The following LRP1B variants were observed in gnomAD, a reference collection of about 807,000 sequenced individuals.
LRP1B encodes low-density lipoprotein receptor-related protein 1B.
LRP1B carries 217 observed loss-of-function variants against 556.6 expected under a neutral mutation model. The observed-to-expected ratio is 0.39, with a 90% CI of 0.35 to 0.44. The LOEUF is 0.44. Among genes scored for constraint, LRP1B ranks in the 20% least tolerant of loss-of-function variants. LRP1B has a pLI of 1.00. For synonymous variants in LRP1B, 2,047 were observed against 1,865.8 expected (o/e 1.10, Z -2.50); for missense variants, 5,053 against 5,620.8 (o/e 0.90, Z 3.23).
At chr2:141,918,483 A>C (rs1278864151) in intron 1 of LRP1B, among the ~76,000 whole-genome samples, 4 of 152,106 alleles carry the variant, frequency 2.6e-5, no homozygotes, top group African/African-American at 9.7e-5. Context: ...GGAGGCAAAG[A>C]AACTGGAGAA....
chr2:141,046,949 G>A (rs1382148359), intron 11 of LRP1B, among the ~76,000 whole-genome samples: 1 of 151,858 alleles, frequency 6.6e-6, no homozygotes, highest in Admixed American at 6.6e-5. Flanking sequence ...AGGCATGATG[G>A]TGCACACCTG....
At chr2:141,346,273 G>GTTTT (rs768582865) in intron 3 of LRP1B, among the ~76,000 whole-genome samples, 2 of 151,844 alleles carry the variant, frequency 1.3e-5, no homozygotes, top group African/African-American at 4.8e-5. Flanking sequence ...ACAAAATACT[G>GTTTT]TTTTTTTAAA....
chr2:141,380,837 T>A (rs896431256), intron 3 of LRP1B, among the ~76,000 whole-genome samples: 1 of 152,136 alleles, frequency 6.6e-6, no homozygotes, highest in Non-Finnish European at 1.5e-5. Context: ...TGTCATACTT[T>A]AGTCTCTTGA....
chr2:141,924,273 A>G (rs548582255), intron 1 of LRP1B, among the ~76,000 whole-genome samples: 1 of 152,072 alleles, frequency 6.6e-6, no homozygotes, highest in East Asian at 2.0e-4. Context: ...TACAGCTGGG[A>G]GTGGTCAAGG....
intron 2 of LRP1B, among the ~76,000 whole-genome samples, chr2:141,764,669 T>A (rs1306014276): frequency 1.4e-5 from 2 of 147,348 alleles, no homozygotes; most frequent in East Asian, 4.0e-4. Context: ...TGTGAGACAA[T>A]ACATTTAGGA....
At chr2:140,357,703 T>A (rs886189624) in intron 74 of LRP1B, among the ~76,000 whole-genome samples, 2 of 151,696 alleles carry the variant, frequency 1.3e-5, no homozygotes, top group African/African-American at 4.8e-5. Flanking sequence ...TACTAAATGA[T>A]ATAGATTACA....
At position 141,407,605 on chromosome 2, in the gene LRP1B, C is replaced by T. The variant is rs555177038; in HGVS notation, c.343+72791G>A. Reference sequence around the variant, plus strand: ...TCTGGTGGTTTAAAAATTTGTGGCACCTTCCCCACCACTCTCTCTCACTTG... The same window carrying T: ...TCTGGTGGTTTAAAAATTTGTGGCATCTTCCCCACCACTCTCTCTCACTTG... On this transcript the variant is annotated intron_variant, in intron 3 of 90. Coordinates refer to ENST00000389484, the MANE Select transcript of LRP1B (RefSeq NM_018557.3). 2.6e-5 allele frequency among the ~76,000 whole-genome samples: 4 copies of T among 152,160 alleles called. 1 individual carries two copies. The highest frequency in any genetic ancestry group is 7.2e-5 in the African/African-American group (3 of 41,522).
intron 1 of LRP1B, among the ~76,000 whole-genome samples, chr2:141,938,534 T>C (rs937271043): frequency 2.0e-4 from 30 of 151,902 alleles, no homozygotes; most frequent in African/African-American, 7.3e-4. Context: ...GTATGGAGAG[T>C]CCTCAACAAG....
intron 2 of LRP1B, among the ~76,000 whole-genome samples, chr2:141,787,317 G>T (rs978028675): frequency 6.6e-6 from 1 of 151,744 alleles, no homozygotes; most frequent in Admixed American, 6.6e-5. Context: ...ATTCATAGTC[G>T]CACCAAACTG....
intron 41 of LRP1B, among the ~76,000 whole-genome samples, chr2:140,623,952 T>TTATATATATATATATCTATATATATATA (rs1166087353): frequency 6.5e-5 from 1 of 15,290 alleles, no homozygotes; most frequent in Non-Finnish European, 1.4e-4. Flanking sequence ...TATATTTTAT[T>TTATATATATATATATCTATATATATATA]TATGTATATA....
At chr2:141,518,529 C>A (rs921412614) in intron 2 of LRP1B, among the ~76,000 whole-genome samples, 5 of 152,106 alleles carry the variant, frequency 3.3e-5, no homozygotes, top group African/African-American at 1.2e-4. Flanking sequence ...AGAGAACTCA[C>A]ATAAAACTTA....
chr2:141,933,960 TAAGAG>T (rs1372525610), intron 1 of LRP1B, among the ~76,000 whole-genome samples: 1 of 151,838 alleles, frequency 6.6e-6, no homozygotes, highest in African/African-American at 2.4e-5. Context: ...CCCACAAAAA[TAAGAG>T]AATAAGCACT....
chr2:141,505,799 A>G (rs1003741556), intron 2 of LRP1B, among the ~76,000 whole-genome samples: 2 of 152,038 alleles, frequency 1.3e-5, no homozygotes, highest in Non-Finnish European at 2.9e-5. Context: ...TTGATTCCTA[A>G]TTAACTCTTG....
intron 18 of LRP1B, among the ~76,000 whole-genome samples, chr2:140,968,483 G>A (rs1346575336): frequency 8.2e-6 from 1 of 121,926 alleles, no homozygotes; most frequent in East Asian, 2.4e-4. Flanking sequence ...AACAACTCCT[G>A]GATTGATTGA....
rs545568474 is a variant in LRP1B at position 141,381,618 on chromosome 2, GA to G, written c.343+98777del. Among the ~76,000 whole-genome samples, 98 of 145,846 alleles carry G rather than the reference GA, an allele frequency of 6.7e-4. No individual in the cohort carries two copies. In the South Asian group the frequency reaches 6.9e-3, roughly 10 times the overall value. ...ACATCAAATTGTCACAAGTTAAAAA[GA>G]AAAAAAAAATAGAAAGCAATAAGTG... On this transcript the variant is annotated intron_variant, in intron 3 of 90. Transcript: ENST00000389484.
chr2:140,308,221 T>C (rs1684146231), intron 83 of LRP1B, among the ~76,000 whole-genome samples: 2 of 151,952 alleles, frequency 1.3e-5, no homozygotes, highest in South Asian at 4.1e-4. Context: ...ATTTATTTGA[T>C]AAACTGTTCT....
chr2:140,358,424 A>T lies in LRP1B; in HGVS notation c.11258-308T>A, dbSNP rs1215111795. ...TTAGGTCAGGTCAAGCTTTGTCTCC[A>T]GATGATTTTGCTGCATACATAAGTC... On this transcript the variant is annotated intron_variant, in intron 73 of 90. Transcript: ENST00000389484. 8.6e-5 allele frequency among the ~76,000 whole-genome samples: 13 copies of T among 151,738 alleles called. 1 individual carries two copies. Among genetic ancestry groups the T allele is most frequent in the Non-Finnish European group, 2.9e-5 (2 of 67,822 alleles).
At chr2:141,651,923 A>G (rs770039796) in intron 2 of LRP1B, among the ~76,000 whole-genome samples, 53 of 152,198 alleles carry the variant, frequency 3.5e-4, no homozygotes, top group Non-Finnish European at 6.2e-4. Context: ...AGTTGAAAAT[A>G]TTTTTACATG....
chr2:141,077,689 C>G (rs1882643), intron 7 of LRP1B, among the ~76,000 whole-genome samples: 129,062 of 152,182 alleles, frequency 0.85, 55,093 homozygotes, highest in Non-Finnish European at 0.89. Flanking sequence ...TGTGGATTAC[C>G]GCATCAGCTC....
Sources: gnomAD v4.1 joint callset for allele counts (sites outside exome capture counted in the v4.1 genomes callset) on GRCh38, gnomAD v4.1.1 for gene constraint, MANE v1.5 for transcripts, NCBI Gene and HGNC (gene_info 2026-07-23, HGNC 2026-07-21) for gene names.